The following DSCAM variants were observed in gnomAD, a reference collection of about 807,000 sequenced individuals.
The protein encoded by DSCAM is DS cell adhesion molecule, also known as cell adhesion molecule DSCAM.
A neutral mutation model predicts 217.7 loss-of-function variants in DSCAM; 47 were observed. The observed-to-expected ratio is 0.22, with a 90% CI of 0.17 to 0.28. DSCAM has a LOEUF of 0.28. Ranked by LOEUF, DSCAM falls within the 10% of genes least tolerant of loss-of-function variation. DSCAM has a pLI of 1.00. For missense variants in DSCAM, 2,080 were observed against 2,618.3 expected, an observed-to-expected ratio of 0.79 and a Z score of 4.49; for synonymous variants, 1,056 against 1,015.3, an observed-to-expected ratio of 1.04 and a Z score of -0.76.
At chr21:40,603,164 A>C (rs1038169954) in intron 3 of DSCAM, among the ~76,000 whole-genome samples, 12 of 152,194 alleles carry the variant, frequency 7.9e-5, no homozygotes, top group African/African-American at 2.4e-4. Flanking sequence ...ATTCCATTGA[A>C]GTTTAATTTC....
chr21:40,443,118 A>C (rs965394383), intron 3 of DSCAM, among the ~76,000 whole-genome samples: 1 of 152,226 alleles, frequency 6.6e-6, no homozygotes, highest in African/African-American at 2.4e-5. Flanking sequence ...ATAAAAATCT[A>C]TATTAGTGAC....
rs1410797659 is a variant in DSCAM, at chr21:40,646,413, A to T, written c.508+46397T>A. On this transcript the variant is annotated intron_variant, in intron 3 of 32. Transcript: ENST00000400454. The stretch of plus-strand genomic sequence containing the variant: ...GCAACAGAGTGAGAGACTCTGTCAA[A>T]AAAAAAAAAAAAAAAGGGGGGCTGT... Among the ~76,000 whole-genome samples, 153 of 52,314 alleles carry T rather than the reference A, an allele frequency of 2.9e-3. 2 individuals carry two copies. The highest frequency in any genetic ancestry group is 5.6e-3 in the African/African-American group (103 of 18,316). The allele number at this position is 52,314 out of a possible 152,430, so 34.3% of individuals were successfully genotyped here.
At chr21:40,375,225 T>C (rs1044193251) in intron 3 of DSCAM, among the ~76,000 whole-genome samples, 6 of 152,222 alleles carry the variant, frequency 3.9e-5, no homozygotes, top group African/African-American at 7.2e-5. Context: ...CATCTAAGGA[T>C]TGTAGCTTTC....
chr21:40,373,049 C>T (rs2074914497), intron 3 of DSCAM, among the ~76,000 whole-genome samples: 1 of 152,182 alleles, frequency 6.6e-6, no homozygotes, highest in African/African-American at 2.4e-5. Flanking sequence ...CAGCCACGTT[C>T]TTCCCATTGT....
At chr21:40,535,827 G>C (rs1353679508) in intron 3 of DSCAM, among the ~76,000 whole-genome samples, 1 of 152,210 alleles carries the variant, frequency 6.6e-6, no homozygotes, top group African/African-American at 2.4e-5. Flanking sequence ...CAAAGATAGT[G>C]AGAGATGTCT....
chr21:40,781,433 A>T (rs1351834410), intron 1 of DSCAM, among the ~76,000 whole-genome samples: 1 of 152,250 alleles, frequency 6.6e-6, no homozygotes, highest in African/African-American at 2.4e-5. Context: ...ATGTACATAC[A>T]ATTGACTCTC....
chr21:40,726,818 A>C (rs1023425507), intron 1 of DSCAM, among the ~76,000 whole-genome samples: 7 of 152,290 alleles, frequency 4.6e-5, no homozygotes, highest in Non-Finnish European at 7.4e-5. Flanking sequence ...CTCTGCCCTC[A>C]TGAATAGATC....
At chr21:40,577,172 T>C (rs1179156826) in intron 3 of DSCAM, among the ~76,000 whole-genome samples, 2 of 151,494 alleles carry the variant, frequency 1.3e-5, no homozygotes, top group Non-Finnish European at 2.9e-5. Flanking sequence ...TTATGTATTA[T>C]ATATTCATTC....
intron 3 of DSCAM, among the ~76,000 whole-genome samples, chr21:40,504,592 C>T (rs1014823479): frequency 6.6e-6 from 1 of 152,168 alleles, no homozygotes; most frequent in Non-Finnish European, 1.5e-5. Flanking sequence ...AACAGAAAAA[C>T]TACATAGGCG....
intron 11 of DSCAM, among the ~76,000 whole-genome samples, chr21:40,214,756 AAC>A (rs2091225697): frequency 6.6e-6 from 1 of 151,462 alleles, no homozygotes; most frequent in African/African-American, 2.4e-5. Flanking sequence ...AAAAAAACAA[AAC>A]AAAAAACAAC....
chr21:40,081,408 C>T (rs1248117881), intron 24 of DSCAM, among the ~76,000 whole-genome samples: 1 of 152,104 alleles, frequency 6.6e-6, no homozygotes, highest in Non-Finnish European at 1.5e-5. Context: ...GGCGATCACT[C>T]ATCTCTGATG....
Position 40,339,153 on chromosome 21 carries a change from T to G in DSCAM, c.1473A>C (p.Gly491=), listed in dbSNP as rs2074460725. Reference sequence around the variant, plus strand: ...TTATTCGAGCCTGGTACAGGACGACTCCCGCCGAGTTGTTGGCAGTGCAGC... The same window carrying G: ...TTATTCGAGCCTGGTACAGGACGACGCCCGCCGAGTTGTTGGCAGTGCAGC... ...VYRCTANNSA[G]VVLYQARINV... The change falls in exon 7 of 33, where the codon GGA becomes GGC. Residue 491 remains glycine, a synonymous_variant. Coordinates refer to ENST00000400454, the MANE Select transcript of DSCAM (RefSeq NM_001389.5). 1 of 1,613,976 alleles carries G rather than the reference T, an allele frequency of 6.2e-7. No homozygotes were observed. Among genetic ancestry groups the G allele is most frequent in the South Asian group, 1.1e-5 (1 of 91,072 alleles).
At chr21:40,459,912 C>G (rs980196594) in intron 3 of DSCAM, among the ~76,000 whole-genome samples, 2 of 152,068 alleles carry the variant, frequency 1.3e-5, no homozygotes, top group African/African-American at 4.8e-5. Context: ...GTGGAAAAAA[C>G]TAAAATTGCA....
intron 1 of DSCAM, among the ~76,000 whole-genome samples, chr21:40,710,916 T>C (rs2090772680): frequency 6.6e-6 from 1 of 152,204 alleles, no homozygotes; most frequent in Non-Finnish European, 1.5e-5. Flanking sequence ...TAGTATCTCA[T>C]ACCAGACAAC....
In DSCAM at chr21:40,266,647, A is replaced by ATATATATATT. The variant is rs1555896569; in HGVS notation, c.2356+9449_2356+9450insAATATATATA. Among the ~76,000 whole-genome samples, 21 of 116,156 alleles carry ATATATATATT rather than the reference A, an allele frequency of 1.8e-4. 1 individual carries two copies. The highest frequency in any genetic ancestry group is 3.7e-4 in the East Asian group (1 of 2,686). 76.2% of individuals were successfully genotyped at this position (116,156 alleles called of 152,430 possible). A position where few individuals can be genotyped will look rare whatever the true frequency, so the allele number is the denominator to read the frequency against. ...GGACAAAGATGTTTTATATATATATATATATATATATATATATATATATAA... is the reference window on the plus strand; with the variant it reads ...GGACAAAGATGTTTTATATATATATATATATATATTTATATATATATATATATATATATAA... On this transcript the variant is annotated intron_variant, in intron 11 of 32. Transcript: ENST00000400454.
intron 1 of DSCAM, among the ~76,000 whole-genome samples, chr21:40,747,398 T>C (rs1039222628): frequency 6.6e-6 from 1 of 151,662 alleles, no homozygotes; most frequent in Middle Eastern, 3.4e-3. Context: ...TACAAAAATT[T>C]AAAGGACCAT....
chr21:40,589,717 C>T (rs2076971003), intron 3 of DSCAM, among the ~76,000 whole-genome samples: 1 of 152,182 alleles, frequency 6.6e-6, no homozygotes, highest in African/African-American at 2.4e-5. Context: ...ATGTATATGA[C>T]ATCAAATGTA....
At chr21:40,366,960 T>C (rs2074839464) in intron 4 of DSCAM, among the ~76,000 whole-genome samples, 1 of 152,204 alleles carries the variant, frequency 6.6e-6, no homozygotes, top group Non-Finnish European at 1.5e-5. Flanking sequence ...TCCCGAGCCT[T>C]CTCTGTTACT....
At chr21:40,322,985 G>T (rs2074276851) in intron 8 of DSCAM, among the ~76,000 whole-genome samples, 1 of 152,200 alleles carries the variant, frequency 6.6e-6, no homozygotes, top group African/African-American at 2.4e-5. Context: ...TCATCTGGAA[G>T]TTATTGGCCA....
Sources: allele counts gnomAD v4.1 joint callset (sites outside exome capture counted in the v4.1 genomes callset), GRCh38; gene constraint gnomAD v4.1.1; transcripts MANE v1.5; gene names NCBI Gene and HGNC (gene_info 2026-07-23, HGNC 2026-07-21).